Variants in NIPBL observed in about 807,000 individuals in gnomAD.
The protein encoded by NIPBL is NIPBL cohesin loading factor.
In NIPBL, 19 loss-of-function variants were observed where a neutral mutation model predicts 321.8. The ratio of observed to expected loss-of-function variants is 0.06; its 90% CI spans 0.04 to 0.09. The LOEUF (loss-of-function observed/expected upper bound fraction) is 0.09, where lower values mean the gene tolerates loss of function less well. Among genes scored for constraint, NIPBL ranks in the 10% least tolerant of loss-of-function variants. The pLI is 1.00. For synonymous variants in NIPBL, 1,106 were observed against 1,114.1 expected (o/e 0.99, Z 0.14); for missense variants, 2,210 against 3,327.0 (o/e 0.66, Z 8.26).
chr5:36,977,153 A>C (rs993969891), intron 9 of NIPBL, among the ~76,000 whole-genome samples: 1 of 152,082 alleles, frequency 6.6e-6, no homozygotes, highest in Non-Finnish European at 1.5e-5. Context: ...CTGATGAATC[A>C]GTGATTCAAA....
chr5:36,876,833 C>A lies in NIPBL; in HGVS notation c.-425C>A. 5.2e-6 allele frequency: 1 copy of A among 193,730 alleles called. No homozygotes were observed. Among genetic ancestry groups the A allele is most frequent in the South Asian group, 2.2e-4 (1 of 4,540 alleles). 12.0% of individuals were successfully genotyped at this position (193,730 alleles called of 1,614,324 possible). A position where few individuals can be genotyped will look rare whatever the true frequency, so the allele number is the denominator to read the frequency against. On this transcript the variant is annotated 5_prime_UTR_variant, in exon 1 of 47. Coordinates refer to ENST00000282516, the MANE Select transcript of NIPBL (RefSeq NM_133433.4). ...ACACACAGGGCTCCTTCCCCCCGCCCTCCCCCCCCTCCCTCCGTCGGTACC... is the reference window on the plus strand; with the variant it reads ...ACACACAGGGCTCCTTCCCCCCGCCATCCCCCCCCTCCCTCCGTCGGTACC...
chr5:37,049,465 A>G (rs1043135861), intron 40 of NIPBL, among the ~76,000 whole-genome samples, 164 bp downstream of exon 40: 2 of 152,234 alleles, frequency 1.3e-5, no homozygotes, highest in African/African-American at 4.8e-5. Context: ...GGTTATGATT[A>G]CTGCAAAATA....
At position 36,970,906 on chromosome 5, in the gene NIPBL, G is replaced by A; in HGVS notation, c.641G>A (p.Gly214Asp). 6.2e-7 allele frequency: 1 copy of A among 1,613,710 alleles called. No homozygotes were observed. The highest frequency in any genetic ancestry group is 1.1e-5 in the South Asian group (1 of 91,060). ...GTATCAAGTCCCATTGTTGCAGGTG[G>A]TTTGAGAAACATACATGATAATAAA... The part of the protein sequence containing the change: ...ASVSSPIVAG[G>D]LRNIHDNKVS... Residue 214 changes from glycine (G) to aspartate (D), a missense_variant, in exon 7 of 47, where the codon GGT (glycine) becomes GAT (aspartate). Transcript: ENST00000282516.
chr5:36,999,995 T>G (rs1415015401), intron 11 of NIPBL, among the ~76,000 whole-genome samples: 1 of 152,242 alleles, frequency 6.6e-6, no homozygotes, highest in African/African-American at 2.4e-5. Context: ...AAGGTGGTTC[T>G]GTTTTTCATC....
chr5:37,064,113 A>T lies in NIPBL; in HGVS notation c.8049+135A>T, dbSNP rs543709888. On this transcript the variant is annotated intron_variant, in intron 46 of 46. Coordinates refer to ENST00000282516, the MANE Select transcript of NIPBL (RefSeq NM_133433.4). ...AAGAGAAAACATTTTGTAGATAGAG[A>T]TTCTCTACTTACCCGTTTATACATC... is the stretch of plus-strand genomic sequence containing the variant. 7.6e-6 allele frequency: 11 copies of T among 1,456,358 alleles called. No individual in the cohort carries two copies. The South Asian group carries it at 1.5e-4, about 20-fold the overall frequency. The allele number at this position is 1,456,358 out of a possible 1,614,324, so 90.2% of individuals were successfully genotyped here. A position where few individuals can be genotyped will look rare whatever the true frequency, so the allele number is the denominator to read the frequency against.
At position 36,985,978 on chromosome 5, in the gene NIPBL, C is replaced by T. The variant is rs139833594; in HGVS notation, c.2798C>T (p.Ala933Val). ...GNKSKVDTNK[A>V]HPDNKAEFPS... is the part of the protein sequence containing the mutation. ...AAGAGTAAAGTAGACACTAATAAAG[C>T]ACACCCTGACAATAAGGCAGAATTT... Residue 933 changes from alanine (A) to valine (V), a missense_variant, in exon 10 of 47, where the codon GCA (alanine) becomes GTA (valine). Physicochemically the swap from Ala to Val is moderately conservative, Grantham distance 64. Transcript: ENST00000282516. The T allele has an allele frequency of 4.3e-6, 7 of 1,613,902 alleles. No individual in the cohort carries two copies. Among genetic ancestry groups the T allele is most frequent in the African/African-American group, 1.3e-5 (1 of 74,992 alleles).
intron 1 of NIPBL, among the ~76,000 whole-genome samples, chr5:36,914,633 G>C (rs1210497326): frequency 6.6e-6 from 1 of 152,094 alleles, no homozygotes; most frequent in African/African-American, 2.4e-5. Flanking sequence ...ATCTCATTAC[G>C]TATATGCACA....
intron 1 of NIPBL, among the ~76,000 whole-genome samples, chr5:36,920,646 C>G (rs1247574743): frequency 1.3e-5 from 2 of 152,014 alleles, no homozygotes; most frequent in African/African-American, 4.8e-5. Context: ...TACTTAGTGG[C>G]TATTAAAATG....
At chr5:36,897,237 C>T (rs1746822306) in intron 1 of NIPBL, among the ~76,000 whole-genome samples, 1 of 151,032 alleles carries the variant, frequency 6.6e-6, no homozygotes, top group South Asian at 2.1e-4. Context: ...CTCCTGACCT[C>T]GTGATCCACC....
At chr5:36,942,447 A>AG (rs577809774) in intron 1 of NIPBL, among the ~76,000 whole-genome samples, 283 of 145,558 alleles carry the variant, frequency 1.9e-3, no homozygotes, top group Non-Finnish European at 3.5e-3. Flanking sequence ...AAAAAAAAAA[A>AG]AAAAAAAAAA....
intron 18 of NIPBL, among the ~76,000 whole-genome samples, chr5:37,007,795 A>G (rs1747618505): frequency 6.6e-6 from 1 of 152,006 alleles, no homozygotes; most frequent in Admixed American, 6.6e-5. Flanking sequence ...TAGAGGACTG[A>G]TAGCTATGAT....
chr5:36,980,326 G>A (rs757099277), intron 9 of NIPBL, among the ~76,000 whole-genome samples: 8 of 151,668 alleles, frequency 5.3e-5, no homozygotes, highest in African/African-American at 1.9e-4. Context: ...CAGGTATGCG[G>A]TGATAACCTG....
chr5:37,006,299 T>C, intron 16 of NIPBL, 58 bp from the exon 17 acceptor site: 3 of 915,900 alleles, frequency 3.3e-6, no homozygotes, highest in Admixed American at 1.7e-5. Flanking sequence ...AATTTTAATG[T>C]ATATTTTAAA....
chr5:36,991,627 AT>A (rs916860288), intron 10 of NIPBL, among the ~76,000 whole-genome samples: 7 of 151,046 alleles, frequency 4.6e-5, no homozygotes, highest in Admixed American at 6.6e-5. Context: ...AGTATTGAAA[AT>A]TTTTTTTTGC....
At chr5:36,881,994 C>T (rs1249845988) in intron 1 of NIPBL, among the ~76,000 whole-genome samples, 1 of 151,846 alleles carries the variant, frequency 6.6e-6, no homozygotes, top group Non-Finnish European at 1.5e-5. Flanking sequence ...AGGATAGTAG[C>T]TAGATCTATA....
At chr5:36,918,802 G>A (rs1580228155) in intron 1 of NIPBL, among the ~76,000 whole-genome samples, 1 of 152,008 alleles carries the variant, frequency 6.6e-6, no homozygotes, top group Admixed American at 6.6e-5. Flanking sequence ...TTTGTCTTTG[G>A]TTCTGTTTAT....
At position 36,984,945 on chromosome 5, in the gene NIPBL, C is replaced by A; in HGVS notation, c.1765C>A (p.Leu589Ile). The change falls in exon 10 of 47, where the codon CTT (leucine) becomes ATT (isoleucine). Residue 589 changes from leucine (L) to isoleucine (I), a missense_variant. Coordinates refer to ENST00000282516, the MANE Select transcript of NIPBL (RefSeq NM_133433.4). ...TCTTCAGGAAGATATTGTTGGAAGT[C>A]TTAAATCTACACCAGAAAACCATCC... ...SVLQEDIVGSLKSTPENHPET... is the reference protein window; with the variant it reads ...SVLQEDIVGSIKSTPENHPET... 6.2e-7 allele frequency: 1 copy of A among 1,613,746 alleles called. No homozygotes were observed. Among genetic ancestry groups the A allele is most frequent in the Non-Finnish European group, 8.5e-7 (1 of 1,179,878 alleles).
At chr5:36,878,166 A>G (rs1039909535) in intron 1 of NIPBL, among the ~76,000 whole-genome samples, 1 of 152,222 alleles carries the variant, frequency 6.6e-6, no homozygotes, top group Admixed American at 6.5e-5. Context: ...TATACTTAAA[A>G]TCCTTGGGAG....
At position 36,877,099 on chromosome 5, in the gene NIPBL, C is replaced by T. The variant is rs1488936534; in HGVS notation, c.-159C>T. ...GGAGACGGAAGAGGAGCCGTAGCCA[C>T]CCCCCCTCCCGGCCCGGATTATAGT... On this transcript the variant is annotated 5_prime_UTR_variant, in exon 1 of 47. Coordinates refer to ENST00000282516, the MANE Select transcript of NIPBL (RefSeq NM_133433.4). 2 of 334,022 alleles carry T rather than the reference C, an allele frequency of 6.0e-6. No homozygotes were observed. Among genetic ancestry groups the T allele is most frequent in the African/African-American group, 2.2e-5 (1 of 46,310 alleles). 20.7% of individuals were successfully genotyped at this position (334,022 alleles called of 1,614,324 possible).
Sources: allele counts gnomAD v4.1 joint callset (sites outside exome capture counted in the v4.1 genomes callset), GRCh38; gene constraint gnomAD v4.1.1; transcripts MANE v1.5; gene names NCBI Gene and HGNC (gene_info 2026-07-23, HGNC 2026-07-21).